The following ANTXR2 variants were observed in gnomAD, a reference collection of about 807,000 sequenced individuals.
ANTXR2 encodes anthrax toxin receptor 2.
ANTXR2 carries 44 observed loss-of-function variants against 73.7 expected under a neutral mutation model. That is an observed-to-expected ratio of 0.60 (90% CI 0.47 to 0.77). ANTXR2 has a LOEUF of 0.77. Ranked by LOEUF, ANTXR2 falls within the 30% of genes least tolerant of loss-of-function variation. The pLI, the probability that ANTXR2 is intolerant of heterozygous loss-of-function variation, is 0.00. For synonymous variants in ANTXR2, 217 were observed against 205.9 expected (o/e 1.05, Z -0.46); for missense variants, 604 against 592.5 (o/e 1.02, Z -0.20).
rs1726743251 is a variant in ANTXR2 at position 79,902,453 on chromosome 4, C to T, written c.*4976G>A. 6.6e-6 allele frequency: 1 copy of T among 152,018 alleles called. No homozygotes were observed. The highest frequency in any genetic ancestry group is 2.1e-4 in the South Asian group (1 of 4,824). 9.4% of individuals were successfully genotyped at this position (152,018 alleles called of 1,614,324 possible). A position where few individuals can be genotyped will look rare whatever the true frequency, so the allele number is the denominator to read the frequency against. ...AAAAAAGAGGAGTTTAGTAATTTTT[C>T]TTTCTGTGGTATACAAAGTATCCCA... On this transcript the variant is annotated 3_prime_UTR_variant, in exon 17 of 17. Transcript: ENST00000403729.
intron 16 of ANTXR2, among the ~76,000 whole-genome samples, chr4:79,965,597 A>T (rs1324084819): frequency 3.3e-5 from 5 of 152,248 alleles, no homozygotes; most frequent in African/African-American, 1.2e-4. Flanking sequence ...AGTAAATATT[A>T]TGCATATATA....
intron 16 of ANTXR2, among the ~76,000 whole-genome samples, chr4:79,908,576 A>C (rs1041496303): frequency 6.6e-6 from 1 of 152,212 alleles, no homozygotes; most frequent in Non-Finnish European, 1.5e-5. Flanking sequence ...AGTTTCCATT[A>C]GTTTTTGCTA....
intron 7 of ANTXR2, among the ~76,000 whole-genome samples, chr4:80,040,398 C>A (rs535671786): frequency 6.6e-6 from 1 of 152,106 alleles, no homozygotes; most frequent in South Asian, 2.1e-4. Context: ...TAATTTTTGC[C>A]AAATTAAATA....
At chr4:80,067,433 T>C (rs1734555425) in intron 3 of ANTXR2, among the ~76,000 whole-genome samples, 3 of 152,198 alleles carry the variant, frequency 2.0e-5, no homozygotes, top group Non-Finnish European at 2.9e-5. Context: ...CCTGGCACAA[T>C]GTTTGCAGCT....
chr4:79,966,127 GAC>G (rs10549471), intron 16 of ANTXR2, among the ~76,000 whole-genome samples: 35,714 of 149,408 alleles, frequency 0.24, 4,482 homozygotes, highest in Middle Eastern at 0.29. Context: ...CTAGGACTTA[GAC>G]ACACACACAC....
At chr4:79,961,731 A>T (rs1296233461) in intron 16 of ANTXR2, among the ~76,000 whole-genome samples, 1 of 152,112 alleles carries the variant, frequency 6.6e-6, no homozygotes, top group Non-Finnish European at 1.5e-5. Flanking sequence ...TGAGCCCCAC[A>T]CTCAGCCAAA....
chr4:80,018,114 T>C (rs1731964083), intron 11 of ANTXR2, among the ~76,000 whole-genome samples: 1 of 152,188 alleles, frequency 6.6e-6, no homozygotes, highest in African/African-American at 2.4e-5. Flanking sequence ...AACCGTGAGA[T>C]GTGAGAAAAT....
intron 12 of ANTXR2, among the ~76,000 whole-genome samples, chr4:79,997,509 C>T (rs1320251750): frequency 6.6e-6 from 1 of 151,874 alleles, no homozygotes; most frequent in African/African-American, 2.4e-5. Flanking sequence ...TTTTGACATA[C>T]AAAAACACAA....
At chr4:79,955,475 GAATT>G (rs1728854185) in intron 16 of ANTXR2, among the ~76,000 whole-genome samples, 1 of 151,912 alleles carries the variant, frequency 6.6e-6, no homozygotes. Context: ...AAAAAAGTAT[GAATT>G]AATTTAAACA....
At chr4:79,928,492 T>C (rs1036900978) in intron 16 of ANTXR2, among the ~76,000 whole-genome samples, 1 of 152,210 alleles carries the variant, frequency 6.6e-6, no homozygotes, top group African/African-American at 2.4e-5. Flanking sequence ...TTAAAAATTA[T>C]TCAAATCGTA....
intron 16 of ANTXR2, among the ~76,000 whole-genome samples, chr4:79,915,868 A>C (rs538953847): frequency 1.3e-5 from 2 of 149,194 alleles, no homozygotes; most frequent in Admixed American, 6.7e-5. Flanking sequence ...CTCTCTATAT[A>C]TATATATATA....
At chr4:80,030,534 A>G (rs1732642025) in intron 10 of ANTXR2, among the ~76,000 whole-genome samples, 1 of 152,098 alleles carries the variant, frequency 6.6e-6, no homozygotes, top group Non-Finnish European at 1.5e-5. Context: ...AGATTATTAC[A>G]TGATACAGAA....
At chr4:79,959,577 T>C (rs1384446905) in intron 16 of ANTXR2, among the ~76,000 whole-genome samples, 1 of 152,178 alleles carries the variant, frequency 6.6e-6, no homozygotes, top group African/African-American at 2.4e-5. Context: ...GTACCCAGAA[T>C]TAGAAAGTTA....
chr4:80,050,037 C>A lies in ANTXR2; in HGVS notation c.636+4235G>T, dbSNP rs182832511. Among the ~76,000 whole-genome samples, 49 of 151,792 alleles carry A rather than the reference C, an allele frequency of 3.2e-4. 1 individual carries two copies. The highest frequency in any genetic ancestry group is 9.2e-4 in the Admixed American group (14 of 15,204). ...CTTGACCTAGTTCCATTGCGAAAGACAGAATCCCAGTGCCAAGAATAATCC... is the reference window on the plus strand; with the variant it reads ...CTTGACCTAGTTCCATTGCGAAAGAAAGAATCCCAGTGCCAAGAATAATCC... On this transcript the variant is annotated intron_variant, in intron 7 of 16. Coordinates refer to ENST00000403729, the MANE Select transcript of ANTXR2 (RefSeq NM_058172.6).
Position 80,072,817 on chromosome 4 carries a change from A to G in ANTXR2, c.-257T>C, listed in dbSNP as rs1311587131. ...ACGAATCCCAGTGGAAGCGCGATCC[A>G]GTCCTCCCCCTCCCGATTCCGGAGA... On this transcript the variant is annotated 5_prime_UTR_variant, in exon 1 of 17. Coordinates refer to ENST00000403729, the MANE Select transcript of ANTXR2 (RefSeq NM_058172.6). 1.1e-6 allele frequency: 1 copy of G among 875,220 alleles called. No individual in the cohort carries two copies. The highest frequency in any genetic ancestry group is 1.5e-6 in the Non-Finnish European group (1 of 655,130). 54.2% of individuals were successfully genotyped at this position (875,220 alleles called of 1,614,324 possible).
At chr4:79,958,863 T>C (rs1729035356) in intron 16 of ANTXR2, among the ~76,000 whole-genome samples, 1 of 152,138 alleles carries the variant, frequency 6.6e-6, no homozygotes, top group Non-Finnish European at 1.5e-5. Flanking sequence ...ACTGGACTAA[T>C]GAGGCACTCA....
At chr4:80,068,709 C>T (rs909347683) in intron 3 of ANTXR2, among the ~76,000 whole-genome samples, 5 of 152,154 alleles carry the variant, frequency 3.3e-5, no homozygotes, top group South Asian at 2.1e-4. Flanking sequence ...GAGGTGGGGG[C>T]TGCAGTGAGC....
At chr4:79,936,241 ATTC>A (rs1360826684) in intron 16 of ANTXR2, among the ~76,000 whole-genome samples, 2 of 152,224 alleles carry the variant, frequency 1.3e-5, no homozygotes, top group Non-Finnish European at 2.9e-5. Flanking sequence ...AATTAGTTGC[ATTC>A]TTATTTGCAG....
chr4:80,041,353 C>T (rs1419266202), intron 7 of ANTXR2, among the ~76,000 whole-genome samples: 1 of 152,056 alleles, frequency 6.6e-6, no homozygotes, highest in Non-Finnish European at 1.5e-5. Context: ...TCCTGTAATG[C>T]TACCAAAAAC....
Sources: gnomAD v4.1 joint callset for allele counts (sites outside exome capture counted in the v4.1 genomes callset) on GRCh38, gnomAD v4.1.1 for gene constraint, MANE v1.5 for transcripts, NCBI Gene and HGNC (gene_info 2026-07-23, HGNC 2026-07-21) for gene names.